Variants in INTS8 observed in about 807,000 individuals in gnomAD.
The protein encoded by INTS8 is protein kaonashi-1.
Under a neutral mutation model 138.9 loss-of-function variants are expected in INTS8, and 47 were observed. That is an observed-to-expected ratio of 0.34 (90% confidence interval 0.27 to 0.43). The LOEUF (loss-of-function observed/expected upper bound fraction) is 0.43. Among genes scored for constraint, INTS8 ranks in the 20% least tolerant of loss-of-function variants. INTS8 has a pLI of 1.00. For missense variants in INTS8, 996 were observed against 1,173.0 expected (o/e 0.85, Z 2.20); for synonymous variants, 392 against 400.9 (o/e 0.98, Z 0.27).
Position 94,836,510 on chromosome 8 carries a change from CATT to C in INTS8, c.754-7_754-5del. 6.3e-7 allele frequency: 1 copy of C among 1,595,746 alleles called. No individual in the cohort carries two copies. Among genetic ancestry groups the C allele is most frequent in the Non-Finnish European group, 8.6e-7 (1 of 1,165,002 alleles). On this transcript the variant is annotated splice_polypyrimidine_tract_variant and intron_variant, in intron 6 of 26. Coordinates refer to ENST00000523731, the MANE Select transcript of INTS8 (RefSeq NM_017864.4). ...AGAAATTGTTAAGCAAATTGGTGTT[CATT>C]ATTATTTCAGGTGTGCTATGATTTG...
intron 23 of INTS8, among the ~76,000 whole-genome samples, chr8:94,875,697 A>G (rs1416046095): frequency 1.3e-5 from 2 of 152,172 alleles, no homozygotes; most frequent in Non-Finnish European, 2.9e-5. Context: ...TGTTAAGCAG[A>G]TTGGCAGCCT....
At chr8:94,864,331 G>A (rs1044054792) in intron 16 of INTS8, among the ~76,000 whole-genome samples, 2 of 152,082 alleles carry the variant, frequency 1.3e-5, no homozygotes, top group Non-Finnish European at 2.9e-5. Flanking sequence ...GGTTCCTGAT[G>A]GATTTGAAAT....
chr8:94,856,580 A>C (rs914483009), intron 14 of INTS8, among the ~76,000 whole-genome samples, 197 bp from the exon 15 acceptor site: 1 of 152,210 alleles, frequency 6.6e-6, no homozygotes, highest in Admixed American at 6.5e-5. Context: ...GGATTTTTTA[A>C]AATTACAAAG....
intron 6 of INTS8, among the ~76,000 whole-genome samples, chr8:94,832,576 G>A (rs896450002): frequency 7.9e-5 from 12 of 152,078 alleles, no homozygotes; most frequent in Non-Finnish European, 1.6e-4. Context: ...TCTTAAGTTT[G>A]CCCTCTTTCT....
intron 22 of INTS8, 131 bp from the exon 23 acceptor site, chr8:94,874,421 T>C: frequency 1.5e-6 from 1 of 651,312 alleles, no homozygotes; most frequent in Non-Finnish European, 2.8e-6. Flanking sequence ...GAATAAAAGG[T>C]ACAGAGTTCC....
At chr8:94,873,548 T>C (rs1816475873) in intron 22 of INTS8, 71 bp downstream of exon 22, 3 of 910,518 alleles carry the variant, frequency 3.3e-6, no homozygotes, top group South Asian at 1.4e-5. Flanking sequence ...CCCTTTTGGC[T>C]GAACTTACCC....
intron 10 of INTS8, among the ~76,000 whole-genome samples, chr8:94,844,503 G>T: frequency 6.6e-6 from 1 of 151,870 alleles, no homozygotes; most frequent in East Asian, 2.0e-4. Flanking sequence ...TTTTAGTAGC[G>T]ACGGGGTTTT....
chr8:94,838,283 C>T (rs540126910), intron 7 of INTS8, among the ~76,000 whole-genome samples, 180 bp from the exon 8 acceptor site: 9 of 152,184 alleles, frequency 5.9e-5, no homozygotes, highest in Admixed American at 6.5e-5. Flanking sequence ...AACTCCCGAC[C>T]TTGTGATCCG....
rs1814549316 is a variant in INTS8, at chr8:94,827,377, C to G, written c.420C>G (p.Ala140=). The G allele has an allele frequency of 1.2e-6, 2 of 1,614,080 alleles. No homozygotes were observed. Among genetic ancestry groups the G allele is most frequent in the Non-Finnish European group, 1.7e-6 (2 of 1,180,032 alleles). The change falls in exon 3 of 27, where the codon GCC becomes GCG. Residue 140 remains alanine (A), a synonymous_variant. Transcript: ENST00000523731. ...TGGCCACTTTACCTCCGACCACTGC[C>G]ATGGCTGTACTTCTCTATAATAGAT... ...MDLATLPPTT[A]MAVLLYNRWA... is the part of the protein sequence containing the mutation.
intron 22 of INTS8, among the ~76,000 whole-genome samples, chr8:94,874,314 A>G (rs567150697): frequency 2.0e-5 from 3 of 151,932 alleles, no homozygotes; most frequent in Non-Finnish European, 2.9e-5. Flanking sequence ...CTTAAATGAT[A>G]TTTTAAAAAT....
intron 9 of INTS8, among the ~76,000 whole-genome samples, 178 bp from the exon 10 acceptor site, chr8:94,842,169 A>C (rs1391491479): frequency 6.6e-6 from 1 of 152,094 alleles, no homozygotes; most frequent in East Asian, 1.9e-4. Context: ...GATAAATTCA[A>C]AACCTATTCT....
At chr8:94,846,005 G>GATTTCTTT (rs1339272969) in intron 10 of INTS8, among the ~76,000 whole-genome samples, 2 of 152,220 alleles carry the variant, frequency 1.3e-5, no homozygotes, top group East Asian at 3.9e-4. Flanking sequence ...GATGGCTCTT[G>GATTTCTTT]ATTTCTTTAG....
chr8:94,832,867 C>T (rs111687700), intron 6 of INTS8, among the ~76,000 whole-genome samples: 2,565 of 152,006 alleles, frequency 0.017, 73 homozygotes, highest in African/African-American at 0.059. Flanking sequence ...TGTTGGCCAG[C>T]GTGGTCTAGA....
intron 9 of INTS8, among the ~76,000 whole-genome samples, chr8:94,842,103 A>T (rs1261490481): frequency 6.6e-6 from 1 of 151,982 alleles, no homozygotes; most frequent in Non-Finnish European, 1.5e-5. Context: ...TTGGGAGAAA[A>T]ATTATACATA....
In INTS8 at chr8:94,842,445, T is replaced by G. The variant is rs1468411403; in HGVS notation, c.1217T>G (p.Leu406Arg). The change falls in exon 10 of 27, where the codon CTA (leucine) becomes CGA (arginine). Residue 406 changes from leucine to arginine, a missense_variant. Coordinates refer to ENST00000523731, the MANE Select transcript of INTS8 (RefSeq NM_017864.4). ...GRTISVQFNQLFLRPNKEKID... is the reference protein window; with the variant it reads ...GRTISVQFNQRFLRPNKEKID... ...ACAATTAGTGTTCAATTTAACCAGC[T>G]ATTTCTTAGACCAAATAAAGAGAAA... 1 of 1,605,626 alleles carries G rather than the reference T, an allele frequency of 6.2e-7. No individual in the cohort carries two copies. Among genetic ancestry groups the G allele is most frequent in the Non-Finnish European group, 8.5e-7 (1 of 1,172,978 alleles).
chr8:94,871,780 G>A, intron 20 of INTS8, 104 bp from the exon 21 acceptor site: 1 of 712,770 alleles, frequency 1.4e-6, no homozygotes. Flanking sequence ...TTATATTTAT[G>A]TTCACCTAAA....
At position 94,827,780 on chromosome 8, in the gene INTS8, C is replaced by G; in HGVS notation, c.505C>G (p.Pro169Ala). The change falls in exon 4 of 27, where the codon CCT becomes GCT. Residue 169 changes from proline (P) to alanine (A), a missense_variant. Transcript: ENST00000523731. Reference protein sequence around the residue: ...FPVKQAKPGPPQLSVMNQMQQ... With the variant: ...FPVKQAKPGPAQLSVMNQMQQ... Reference sequence around the variant, plus strand: ...AGTCAAACAGGCAAAACCCGGACCCCCTCAGTTAAGTGTGTAAGTTGGTGG... The same window carrying G: ...AGTCAAACAGGCAAAACCCGGACCCGCTCAGTTAAGTGTGTAAGTTGGTGG... The G allele has an allele frequency of 1.2e-6, 2 of 1,613,904 alleles. No homozygotes were observed. Among genetic ancestry groups the G allele is most frequent in the Non-Finnish European group, 1.7e-6 (2 of 1,179,780 alleles).
In INTS8 at chr8:94,832,117, A is replaced by G. The variant is rs763597932; in HGVS notation, c.696A>G (p.Gly232=). 2.7e-5 allele frequency: 44 copies of G among 1,613,824 alleles called. No homozygotes were observed. Among genetic ancestry groups the G allele is most frequent in the Non-Finnish European group, 3.6e-5 (42 of 1,179,958 alleles). Residue 232 remains glycine (G), a synonymous_variant, in exon 6 of 27, where the codon GGA becomes GGG. Transcript: ENST00000523731. ...CCATGGAACCAGGCATGGTAAATGGAGAAACTGAGAGTTCTACTGCTGGAT... is the reference window on the plus strand; with the variant it reads ...CCATGGAACCAGGCATGGTAAATGGGGAAACTGAGAGTTCTACTGCTGGAT... ...LLAMEPGMVN[G]ETESSTAGLK...
chr8:94,828,280 A>T (rs1464999587), intron 4 of INTS8, among the ~76,000 whole-genome samples: 1 of 152,104 alleles, frequency 6.6e-6, no homozygotes, highest in East Asian at 1.9e-4. Flanking sequence ...ACCTCAGGTG[A>T]TCCACCCGCC....
Sources: allele counts gnomAD v4.1 joint callset (sites outside exome capture counted in the v4.1 genomes callset), GRCh38; gene constraint gnomAD v4.1.1; transcripts MANE v1.5; gene names NCBI Gene and HGNC (gene_info 2026-07-23, HGNC 2026-07-21).